Variants in GLIS3 observed in about 807,000 individuals in gnomAD.
GLIS3 encodes the protein zinc finger protein GLIS3.
A neutral mutation model predicts 78.6 loss-of-function variants in GLIS3; 53 were observed. The observed-to-expected ratio is 0.67, with a 90% CI of 0.54 to 0.85. The LOEUF (loss-of-function observed/expected upper bound fraction) is 0.85, where lower values mean the gene tolerates loss of function less well. GLIS3 is among the 40% of genes least tolerant of loss of function. The pLI, the probability that GLIS3 is intolerant of heterozygous loss-of-function variation, is 0.00. For missense variants in GLIS3, 1,703 were observed against 1,231.1 expected, an observed-to-expected ratio of 1.38 and a Z score of -5.74; for synonymous variants, 684 against 509.9, an observed-to-expected ratio of 1.34 and a Z score of -4.60.
chr9:3,932,549 G>T, intron 5 of GLIS3, 79 bp from the exon 6 acceptor site: 1 of 1,023,010 alleles, frequency 9.8e-7, no homozygotes, highest in South Asian at 1.3e-5. Flanking sequence ...AAAGACTATT[G>T]ACTTCAGAGC....
At chr9:3,918,300 G>A (rs551282975) in intron 6 of GLIS3, among the ~76,000 whole-genome samples, 1 of 152,282 alleles carries the variant, frequency 6.6e-6, no homozygotes, top group Non-Finnish European at 1.5e-5. Flanking sequence ...ACCTTGAGAG[G>A]CAATTCTCTA....
At chr9:4,242,523 A>AT (rs1329466892) in intron 2 of GLIS3, among the ~76,000 whole-genome samples, 2 of 152,156 alleles carry the variant, frequency 1.3e-5, no homozygotes, top group African/African-American at 4.8e-5. Flanking sequence ...GGCATGACCA[A>AT]TGCATACTAT....
chr9:4,357,633 C>A, the GLIS3 span, among the ~76,000 whole-genome samples: 2 of 151,794 alleles, frequency 1.3e-5, no homozygotes, highest in African/African-American at 4.8e-5. Context: ...CTAGAAAACT[C>A]CTCAAATGAC....
At chr9:4,034,727 G>A (rs1337871969) in intron 4 of GLIS3, 2 of 152,206 alleles carry the variant, frequency 1.3e-5, no homozygotes, top group African/African-American at 4.8e-5. Flanking sequence ...TCTGCCCTCA[G>A]GAGCCCTTTA....
At chr9:3,972,889 G>A (rs1273132503) in intron 4 of GLIS3, among the ~76,000 whole-genome samples, 5 of 152,032 alleles carry the variant, frequency 3.3e-5, no homozygotes, top group Admixed American at 2.0e-4. Flanking sequence ...AATGAGTCAC[G>A]GTAGTTCTAG....
intron 2 of GLIS3, among the ~76,000 whole-genome samples, chr9:4,141,912 TATAAG>T (rs1028586513): frequency 2.5e-4 from 38 of 152,354 alleles, no homozygotes; most frequent in African/African-American, 8.9e-4. Context: ...TTTTTTAACT[TATAAG>T]AGAACTAGAG....
the GLIS3 span, among the ~76,000 whole-genome samples, chr9:4,461,287 T>C: frequency 6.6e-6 from 1 of 152,346 alleles, no homozygotes; most frequent in East Asian, 1.9e-4. Flanking sequence ...GATGGATCAA[T>C]GCCCATGATG....
chr9:4,370,121 G>A, the GLIS3 span, among the ~76,000 whole-genome samples: 1 of 148,216 alleles, frequency 6.7e-6, no homozygotes, highest in Non-Finnish European at 1.5e-5. Context: ...GAACCCAGGA[G>A]GTGGAGGTTG....
the GLIS3 span, among the ~76,000 whole-genome samples, chr9:4,441,676 G>A: frequency 0.011 from 1,637 of 151,952 alleles, 29 homozygotes; most frequent in African/African-American, 0.037. Flanking sequence ...ATGTGATCTC[G>A]GCTCCCTACA....
intron 2 of GLIS3, among the ~76,000 whole-genome samples, chr9:4,217,735 C>T (rs1004977902): frequency 6.6e-5 from 10 of 152,242 alleles, no homozygotes; most frequent in African/African-American, 1.9e-4. Context: ...ATAAGTAAGC[C>T]GTGAGCAAAA....
intron 2 of GLIS3, among the ~76,000 whole-genome samples, chr9:4,194,119 G>A (rs1818581592): frequency 1.3e-5 from 2 of 152,124 alleles, no homozygotes; most frequent in Non-Finnish European, 2.9e-5. Context: ...GTGCAGTGGT[G>A]CGATCTCGGC....
chr9:4,193,767 A>G (rs1033316961), intron 2 of GLIS3, among the ~76,000 whole-genome samples: 1 of 152,244 alleles, frequency 6.6e-6, no homozygotes. Flanking sequence ...TCTTAGAGGC[A>G]AATGAAAATA....
chr9:3,962,416 C>T (rs1280356737), intron 4 of GLIS3, among the ~76,000 whole-genome samples: 2 of 152,130 alleles, frequency 1.3e-5, no homozygotes, highest in Non-Finnish European at 2.9e-5. Context: ...CTGGTGCCCA[C>T]ACTCATGCCT....
At chr9:3,974,345 G>A (rs1037023656) in intron 4 of GLIS3, among the ~76,000 whole-genome samples, 4 of 152,062 alleles carry the variant, frequency 2.6e-5, no homozygotes, top group Admixed American at 6.6e-5. Context: ...AGCCTCCCTC[G>A]AATGCAGAGT....
chr9:4,346,220 A>G (rs1817895632), intron 2 of GLIS3, among the ~76,000 whole-genome samples: 1 of 152,232 alleles, frequency 6.6e-6, no homozygotes, highest in Admixed American at 6.5e-5. Context: ...ATAGGAATCC[A>G]ATAAGATTAG....
chr9:4,419,227 C>T, the GLIS3 span, among the ~76,000 whole-genome samples: 35 of 152,182 alleles, frequency 2.3e-4, no homozygotes, highest in African/African-American at 8.4e-4. Flanking sequence ...AGGTGCTCAT[C>T]TGGGTTGAAC....
chr9:3,954,710 A>T (rs1055618735), intron 4 of GLIS3, among the ~76,000 whole-genome samples: 4 of 152,204 alleles, frequency 2.6e-5, no homozygotes, highest in African/African-American at 7.2e-5. Flanking sequence ...AAAAAAGAAA[A>T]TGTCTAAAGG....
chr9:3,987,761 C>CAAAAAAAAAAAAAAA (rs60986898), intron 4 of GLIS3, among the ~76,000 whole-genome samples: 1 of 10,462 alleles, frequency 9.6e-5, no homozygotes. Context: ...CTGGATTTGG[C>CAAAAAAAAAAAAAAA]AAAAAAAAAA....
chr9:4,154,206 A>G (rs980332995), intron 2 of GLIS3, among the ~76,000 whole-genome samples: 1 of 152,156 alleles, frequency 6.6e-6, no homozygotes, highest in African/African-American at 2.4e-5. Flanking sequence ...AATTGGCCCA[A>G]ACAGTCTTGG....
Sources: gnomAD v4.1 joint callset for allele counts (sites outside exome capture counted in the v4.1 genomes callset) on GRCh38, gnomAD v4.1.1 for gene constraint, MANE v1.5 for transcripts, NCBI Gene and HGNC (gene_info 2026-07-23, HGNC 2026-07-21) for gene names.